Variants in BLTP3B observed in about 807,000 individuals in gnomAD.
BLTP3B encodes the protein bridge-like lipid transfer protein family member 3B.
the BLTP3B span, chr12:100,095,763 G>C: frequency 6.2e-7 from 1 of 1,613,376 alleles, no homozygotes; most frequent in Non-Finnish European, 8.5e-7. Context: ...CTTTCAACTG[G>C]GAATCAGTCA....
At chr12:100,095,313 C>G in the BLTP3B span, among the ~76,000 whole-genome samples, 3 of 152,208 alleles carry the variant, frequency 2.0e-5, no homozygotes, top group Non-Finnish European at 2.9e-5. Flanking sequence ...GCACAGTTAA[C>G]TCTCACACGT....
At chr12:100,097,462 T>C in the BLTP3B span, 1 of 1,613,118 alleles carries the variant, frequency 6.2e-7, no homozygotes, top group Non-Finnish European at 8.5e-7. Context: ...GGCATCTGCC[T>C]CTATTCTTAT....
At chr12:100,059,539 A>G in the BLTP3B span, 4 of 1,569,562 alleles carry the variant, frequency 2.5e-6, no homozygotes, top group South Asian at 2.4e-5. Flanking sequence ...ACAAACTAGA[A>G]GAGAAGAAAA....
chr12:100,140,475 G>T, the BLTP3B span, among the ~76,000 whole-genome samples: 12 of 151,634 alleles, frequency 7.9e-5, no homozygotes, highest in African/African-American at 2.4e-4. Context: ...GGAGGCCAAG[G>T]CAGGCGGATC....
At chr12:100,072,608 A>G in the BLTP3B span, 2 of 1,336,916 alleles carry the variant, frequency 1.5e-6, no homozygotes, top group Non-Finnish European at 2.0e-6. Context: ...AAAACTCAAA[A>G]ATATTAACAA....
the BLTP3B span, among the ~76,000 whole-genome samples, chr12:100,040,709 A>C: frequency 0.01 from 1,526 of 151,966 alleles, 22 homozygotes; most frequent in East Asian, 0.041. Context: ...ACAACAACAA[A>C]AAAAAACTAT....
chr12:100,053,367 C>T, the BLTP3B span, among the ~76,000 whole-genome samples: 1 of 151,944 alleles, frequency 6.6e-6, no homozygotes, highest in East Asian at 2.0e-4. Context: ...GAAATCACAC[C>T]ACCGCACTCC....
At chr12:100,044,080 T>C in the BLTP3B span, among the ~76,000 whole-genome samples, 3 of 152,126 alleles carry the variant, frequency 2.0e-5, no homozygotes, top group African/African-American at 4.8e-5. Context: ...TTTCTGTTTG[T>C]TTGTTTTGTT....
chr12:100,076,724 T>C, the BLTP3B span, among the ~76,000 whole-genome samples: 1 of 152,218 alleles, frequency 6.6e-6, no homozygotes, highest in Non-Finnish European at 1.5e-5. Context: ...TTAATTTGTA[T>C]AGTCTTTATA....
the BLTP3B span, among the ~76,000 whole-genome samples, chr12:100,107,289 C>CAAAA: frequency 5.9e-4 from 21 of 35,340 alleles, no homozygotes; most frequent in African/African-American, 1.0e-3. Flanking sequence ...CTCCATCTCC[C>CAAAA]AAAAAAAAAA....
At chr12:100,083,159 A>T in the BLTP3B span, 1 of 1,533,230 alleles carries the variant, frequency 6.5e-7, no homozygotes, top group Non-Finnish European at 9.0e-7. Context: ...AACTCCTTTC[A>T]ATTCATTGCA....
chr12:100,109,088 G>C, the BLTP3B span, among the ~76,000 whole-genome samples: 5 of 151,620 alleles, frequency 3.3e-5, no homozygotes, highest in East Asian at 7.8e-4. Context: ...GGATCATGGG[G>C]GTAGTTTCTC....
chr12:100,086,156 C>G, the BLTP3B span: 1 of 563,346 alleles, frequency 1.8e-6, no homozygotes, highest in Admixed American at 4.0e-5. Flanking sequence ...GAGAAAAATA[C>G]CAATCTCTTC....
At chr12:100,044,207 A>G in the BLTP3B span, among the ~76,000 whole-genome samples, 4 of 152,112 alleles carry the variant, frequency 2.6e-5, no homozygotes, top group African/African-American at 9.7e-5. Context: ...CTGAGCTATT[A>G]TCAGTAATGA....
chr12:100,081,107 T>C, the BLTP3B span, among the ~76,000 whole-genome samples: 2 of 152,172 alleles, frequency 1.3e-5, no homozygotes, highest in Non-Finnish European at 2.9e-5. Flanking sequence ...CCTTCCGCCA[T>C]GATTGTGAGG....
chr12:100,087,397 T>C, the BLTP3B span, among the ~76,000 whole-genome samples: 1 of 152,142 alleles, frequency 6.6e-6, no homozygotes, highest in Non-Finnish European at 1.5e-5. Flanking sequence ...TTATCTCAAC[T>C]AGTAGAATTT....
chr12:100,057,796 A>G, the BLTP3B span: 2 of 1,479,944 alleles, frequency 1.4e-6, no homozygotes, highest in Non-Finnish European at 1.8e-6. Flanking sequence ...AAAGAATTCT[A>G]TCTAAAAAAT....
the BLTP3B span, chr12:100,086,382 G>GA: frequency 3.5e-6 from 2 of 579,534 alleles, no homozygotes; most frequent in Non-Finnish European, 5.8e-6. Flanking sequence ...AGGGGGGGGG[G>GA]GAAATATTAA....
chr12:100,043,804 A>T, the BLTP3B span, among the ~76,000 whole-genome samples: 1 of 152,164 alleles, frequency 6.6e-6, no homozygotes, highest in Non-Finnish European at 1.5e-5. Flanking sequence ...ACAGGGGAGG[A>T]TCCCAAAAAG....
Sources: allele counts gnomAD v4.1 joint callset (sites outside exome capture counted in the v4.1 genomes callset), GRCh38; gene constraint gnomAD v4.1.1; transcripts MANE v1.5; gene names NCBI Gene and HGNC (gene_info 2026-07-23, HGNC 2026-07-21).